The following TMPRSS2 variants were observed in gnomAD, a reference collection of about 807,000 sequenced individuals.
TMPRSS2 encodes transmembrane protease serine 2.
In TMPRSS2, 59 loss-of-function variants were observed where a neutral mutation model predicts 67.4. That is an observed-to-expected ratio of 0.88 (90% CI 0.71 to 1.09). TMPRSS2 has a LOEUF of 1.09. Ranked by LOEUF, TMPRSS2 falls within the 50% of genes least tolerant of loss-of-function variation. The pLI, the probability that TMPRSS2 is intolerant of heterozygous loss-of-function variation, is 0.00. For missense variants in TMPRSS2, 668 were observed against 642.7 expected, an observed-to-expected ratio of 1.04 and a Z score of -0.43; for synonymous variants, 257 against 257.0, an observed-to-expected ratio of 1.00 and a Z score of 0.00.
rs2091151555 is a variant in TMPRSS2, at chr21:41,473,339, G to A, written c.885C>T (p.Ala295=). The change falls in exon 9 of 14, where the codon GCC becomes GCT. Residue 295 remains alanine, a synonymous_variant. Coordinates refer to ENST00000332149, the MANE Select transcript of TMPRSS2 (RefSeq NM_005656.4). ...IITPEWIVTA[A]HCVEKPLNNP... is the part of the protein sequence containing the mutation. ...CCCTGGCATACTTTTCCACGCAGTG[G>A]GCGGCTGTCACGATCCACTCGGGGG... 1 of 1,602,768 alleles carries A rather than the reference G, an allele frequency of 6.2e-7. No homozygotes were observed. The highest frequency in any genetic ancestry group is 8.5e-7 in the Non-Finnish European group (1 of 1,175,314).
intron 11 of TMPRSS2, among the ~76,000 whole-genome samples, chr21:41,469,792 T>C (rs1195360401): frequency 2.6e-5 from 4 of 152,070 alleles, no homozygotes; most frequent in African/African-American, 9.7e-5. Context: ...AGCAGAGACA[T>C]TTGTCTTACT....
intron 8 of TMPRSS2, among the ~76,000 whole-genome samples, chr21:41,476,260 C>T (rs2298663): frequency 0.64 from 96,806 of 152,028 alleles, 32,593 homozygotes; most frequent in Middle Eastern, 0.78. Flanking sequence ...ACTAACGCCA[C>T]CCCCCTTTGC....
At chr21:41,486,153 C>T (rs572593241) in intron 5 of TMPRSS2, among the ~76,000 whole-genome samples, 23 of 152,306 alleles carry the variant, frequency 1.5e-4, no homozygotes, top group Middle Eastern at 3.4e-3. Flanking sequence ...TCTGACTCTA[C>T]AATTCTGAAA....
intron 5 of TMPRSS2, among the ~76,000 whole-genome samples, chr21:41,484,289 C>T (rs146865760): frequency 0.01 from 1,533 of 152,168 alleles, 16 homozygotes; most frequent in Non-Finnish European, 0.016. Flanking sequence ...TTAGCAAATT[C>T]CAGGTATAGA....
chr21:41,500,300 C>T (rs915634074), intron 1 of TMPRSS2, among the ~76,000 whole-genome samples: 4 of 152,216 alleles, frequency 2.6e-5, no homozygotes, highest in African/African-American at 9.6e-5. Flanking sequence ...ATATAACTTT[C>T]CATTAAATAA....
In TMPRSS2 at chr21:41,477,071, G is replaced by A. The variant is rs182543256; in HGVS notation, c.684-451C>T. Among the ~76,000 whole-genome samples, 237 of 152,302 alleles carry A rather than the reference G, an allele frequency of 1.6e-3. 2 individuals are homozygous for A. Among genetic ancestry groups the A allele is most frequent in the African/African-American group, 4.6e-3 (192 of 41,544 alleles). On this transcript the variant is annotated intron_variant, in intron 7 of 13. Transcript: ENST00000332149. ...CCCTAGGATTAGAAGAAACGTAAGAGTTACTCATTTGGGAGTCAAACATCC... is the reference window on the plus strand; with the variant it reads ...CCCTAGGATTAGAAGAAACGTAAGAATTACTCATTTGGGAGTCAAACATCC...
At position 41,480,029 on chromosome 21, in the gene TMPRSS2, C is replaced by T. The variant is rs138282462; in HGVS notation, c.572+447G>A. The stretch of plus-strand genomic sequence containing the variant: ...TTCTCTCCCCAGCTCAAAAGGCTTC[C>T]ATGGCTCCCGAATGAAGTGAAACTG... On this transcript the variant is annotated intron_variant, in intron 6 of 13. Coordinates refer to ENST00000332149, the MANE Select transcript of TMPRSS2 (RefSeq NM_005656.4). 2.0e-5 allele frequency among the ~76,000 whole-genome samples: 3 copies of T among 152,270 alleles called. No homozygotes were observed. In the East Asian group the frequency reaches 5.8e-4, roughly 29 times the overall value.
intron 11 of TMPRSS2, among the ~76,000 whole-genome samples, chr21:41,470,320 T>G (rs2091121526): frequency 6.6e-6 from 1 of 152,182 alleles, no homozygotes; most frequent in Non-Finnish European, 1.5e-5. Context: ...ACGCAGGCCT[T>G]GGTGGGATCT....
At position 41,467,885 on chromosome 21, in the gene TMPRSS2, C is replaced by T; in HGVS notation, c.1316G>A (p.Gly439Asp). Reference protein sequence around the residue: ...FLQGNVDSCQGDSGGPLVTSK... With the variant: ...FLQGNVDSCQDDSGGPLVTSK... ...AGTGACCAGAGGCCCTCCACTGTCA[C>T]CCTGTGGGACACAGCAAGGTACAGA... is the stretch of plus-strand genomic sequence containing the variant. The change falls in exon 13 of 14, where the codon GGT becomes GAT. Residue 439 changes from glycine to aspartate, a missense_variant and splice_region_variant. Coordinates refer to ENST00000332149, the MANE Select transcript of TMPRSS2 (RefSeq NM_005656.4). 2 of 1,614,142 alleles carry T rather than the reference C, an allele frequency of 1.2e-6. No individual in the cohort carries two copies. The highest frequency in any genetic ancestry group is 1.7e-6 in the Non-Finnish European group (2 of 1,180,002).
intron 1 of TMPRSS2, among the ~76,000 whole-genome samples, chr21:41,504,314 A>G (rs1024669783): frequency 1.3e-5 from 2 of 152,158 alleles, no homozygotes; most frequent in Non-Finnish European, 2.9e-5. Context: ...CCAATGGCTC[A>G]GCGCCATCCA....
chr21:41,470,566 A>C, intron 11 of TMPRSS2, 82 bp downstream of exon 11: 1 of 1,324,996 alleles, frequency 7.5e-7, no homozygotes, highest in Admixed American at 2.0e-5. Context: ...TAGAACTGGG[A>C]TTAAAACCTG....
chr21:41,473,621 T>C (rs561499897), intron 8 of TMPRSS2, 125 bp from the exon 9 acceptor site: 21 of 1,119,950 alleles, frequency 1.9e-5, no homozygotes, highest in African/African-American at 9.4e-5. Flanking sequence ...CTGCTGGGGA[T>C]GGACTTAGGG....
chr21:41,476,005 G>C (rs2091209640), intron 8 of TMPRSS2, among the ~76,000 whole-genome samples: 1 of 152,104 alleles, frequency 6.6e-6, no homozygotes, highest in East Asian at 1.9e-4. Context: ...CAGAGGAGAG[G>C]GACGGTGGCT....
chr21:41,477,019 T>C lies in TMPRSS2; in HGVS notation c.684-399A>G, dbSNP rs141898436. Among the ~76,000 whole-genome samples, 507 of 152,350 alleles carry C rather than the reference T, an allele frequency of 3.3e-3. 5 individuals are homozygous for C. The highest frequency in any genetic ancestry group is 0.011 in the African/African-American group (459 of 41,576). The stretch of plus-strand genomic sequence containing the variant: ...TCCTATAACTGCTTTAAATTTGTAG[T>C]GTTGAAAGCAATATAACCAATAGTT... On this transcript the variant is annotated intron_variant, in intron 7 of 13. Coordinates refer to ENST00000332149, the MANE Select transcript of TMPRSS2 (RefSeq NM_005656.4).
chr21:41,480,796 G>A (rs962926687), intron 5 of TMPRSS2, among the ~76,000 whole-genome samples, 194 bp from the exon 6 acceptor site: 12 of 151,978 alleles, frequency 7.9e-5, no homozygotes, highest in Non-Finnish European at 1.2e-4. Context: ...CCACCACCCC[G>A]TCCAGTTAAT....
chr21:41,473,376 C>A lies in TMPRSS2; in HGVS notation c.848G>T (p.Gly283Val), dbSNP rs544474510. 1 of 1,609,966 alleles carries A rather than the reference C, an allele frequency of 6.2e-7. No homozygotes were observed. Among genetic ancestry groups the A allele is most frequent in the Non-Finnish European group, 8.5e-7 (1 of 1,179,238 alleles). Residue 283 changes from glycine (G) to valine (V), a missense_variant, in exon 9 of 14, where the codon GGC becomes GTC. Transcript: ENST00000332149. ...LHVQNVHVCG[G>V]SIITPEWIVT... ...GATCCACTCGGGGGTGATGATGGAGCCTCCGCACACGTGGACGTTCTGGAC... is the reference window on the plus strand; with the variant it reads ...GATCCACTCGGGGGTGATGATGGAGACTCCGCACACGTGGACGTTCTGGAC...
rs760525582 is a variant in TMPRSS2, at chr21:41,494,493, G to A, written c.101C>T (p.Pro34Leu). 6.2e-6 allele frequency: 10 copies of A among 1,614,118 alleles called. No homozygotes were observed. The highest frequency in any genetic ancestry group is 7.6e-6 in the Non-Finnish European group (9 of 1,180,016). Residue 34 changes from proline (P) to leucine (L), a missense_variant, in exon 3 of 14, where the codon CCC (proline) becomes CTC (leucine). Coordinates refer to ENST00000332149, the MANE Select transcript of TMPRSS2 (RefSeq NM_005656.4). ...NPYPAQPTVV[P>L]TVYEVHPAQY... is the part of the protein sequence containing the mutation. Reference sequence around the variant, plus strand: ...AGCCGGATGCACCTCGTAGACAGTGGGGACCACAGTGGGCTGTGCGGGATA... The same window carrying A: ...AGCCGGATGCACCTCGTAGACAGTGAGGACCACAGTGGGCTGTGCGGGATA...
intron 4 of TMPRSS2, 46 bp from the exon 5 acceptor site, chr21:41,488,559 C>A: frequency 6.4e-7 from 1 of 1,570,128 alleles, no homozygotes; most frequent in African/African-American, 1.3e-5. Flanking sequence ...CTGAGAAACG[C>A]AATGAGCCTC....
chr21:41,472,917 C>T (rs148188674), intron 9 of TMPRSS2, among the ~76,000 whole-genome samples: 2 of 152,306 alleles, frequency 1.3e-5, no homozygotes, highest in South Asian at 2.1e-4. Context: ...GCCAAGAACG[C>T]TTAACCCCAG....
Sources: gnomAD v4.1 joint callset for allele counts (sites outside exome capture counted in the v4.1 genomes callset) on GRCh38, gnomAD v4.1.1 for gene constraint, MANE v1.5 for transcripts, NCBI Gene and HGNC (gene_info 2026-07-23, HGNC 2026-07-21) for gene names.